The following LRRC74A variants were observed in gnomAD, a reference collection of about 807,000 sequenced individuals.
LRRC74A encodes the protein leucine-rich repeat-containing protein 74A.
LRRC74A carries 44 observed loss-of-function variants against 57.9 expected under a neutral mutation model. The observed-to-expected ratio is 0.76, with a 90% CI of 0.60 to 0.98. LRRC74A has a LOEUF of 0.98. Ranked by LOEUF, LRRC74A falls within the 50% of genes least tolerant of loss-of-function variation. The probability of loss-of-function intolerance (pLI) is 0.00; values close to 1 mark genes in which losing one functional copy is unlikely to be tolerated. For synonymous variants in LRRC74A, 211 were observed against 219.4 expected (o/e 0.96, Z 0.34); for missense variants, 572 against 574.0 (o/e 1.00, Z 0.04).
chr14:76,830,250 G>A (rs1895878087), intron 2 of LRRC74A, among the ~76,000 whole-genome samples: 1 of 152,220 alleles, frequency 6.6e-6, no homozygotes, highest in Non-Finnish European at 1.5e-5. Context: ...GGAGGGGGAG[G>A]GGGTTGGCCA....
chr14:76,867,284 G>C, intron 12 of LRRC74A, 72 bp from the exon 13 acceptor site: 1 of 456,468 alleles, frequency 2.2e-6, no homozygotes, highest in Admixed American at 2.8e-5. Context: ...GGGGTAGTGT[G>C]TTTGGGGGGG....
intron 8 of LRRC74A, 60 bp from the exon 9 acceptor site, chr14:76,853,156 T>G: frequency 6.7e-7 from 1 of 1,486,736 alleles, no homozygotes; most frequent in Non-Finnish European, 9.3e-7. Flanking sequence ...TCGGGACCCT[T>G]TTGGTTGGAT....
chr14:76,831,178 T>A, intron 2 of LRRC74A, 25 bp from the exon 3 acceptor site: 1 of 1,612,652 alleles, frequency 6.2e-7, no homozygotes, highest in Non-Finnish European at 8.5e-7. Flanking sequence ...AGAGAAATCC[T>A]ACTTCAGCCC....
At position 76,863,115 on chromosome 14, in the gene LRRC74A, A is replaced by G. The variant is rs529574000; in HGVS notation, c.1200+2276A>G. ...GAATTGAAGGGCAGATGTAAGAGCTATCATTATGGAAACATCTCTAGGACT... is the reference window on the plus strand; with the variant it reads ...GAATTGAAGGGCAGATGTAAGAGCTGTCATTATGGAAACATCTCTAGGACT... On this transcript the variant is annotated intron_variant, in intron 11 of 13. Coordinates refer to ENST00000689127, the MANE Select transcript of LRRC74A (RefSeq NM_001385106.1). 9.2e-5 allele frequency among the ~76,000 whole-genome samples: 14 copies of G among 152,220 alleles called. No individual in the cohort carries two copies. The South Asian group carries it at 1.5e-3, about 16-fold the overall frequency.
intron 9 of LRRC74A, among the ~76,000 whole-genome samples, chr14:76,854,542 G>T (rs933310243): frequency 9.2e-5 from 14 of 152,118 alleles, no homozygotes; most frequent in African/African-American, 3.4e-4. Flanking sequence ...GGAGGCGGAG[G>T]TTGCAGTGAG....
Position 76,828,807 on chromosome 14 carries a change from A to G in LRRC74A, c.166+388A>G, listed in dbSNP as rs111675196. 6.5e-3 allele frequency: 2,675 copies of G among 412,298 alleles called. 28 individuals are homozygous for G. The highest frequency in any genetic ancestry group is 9.8e-3 in the Non-Finnish European group (2,050 of 209,988). 25.5% of individuals were successfully genotyped at this position (412,298 alleles called of 1,614,324 possible). A position where few individuals can be genotyped will look rare whatever the true frequency, so the allele number is the denominator to read the frequency against. ...AGAAGAGGAACTGGGCCTTAAAGAGATTATAGGCATTGCCCAGGGACAGCG... is the reference window on the plus strand; with the variant it reads ...AGAAGAGGAACTGGGCCTTAAAGAGGTTATAGGCATTGCCCAGGGACAGCG... On this transcript the variant is annotated intron_variant, in intron 2 of 13. Transcript: ENST00000689127.
chr14:76,863,166 T>G (rs975292880), intron 11 of LRRC74A, among the ~76,000 whole-genome samples: 3 of 138,794 alleles, frequency 2.2e-5, no homozygotes, highest in Non-Finnish European at 4.7e-5. Flanking sequence ...TATGTGGGGG[T>G]GTGTATTGCA....
At chr14:76,844,283 G>A (rs1164989420) in intron 5 of LRRC74A, 140 bp from the exon 6 acceptor site, 13 of 761,236 alleles carry the variant, frequency 1.7e-5, no homozygotes, top group East Asian at 1.4e-4. Context: ...GATTACAGGC[G>A]TAAGCCAATG....
chr14:76,829,998 G>T (rs1002699760), intron 2 of LRRC74A, among the ~76,000 whole-genome samples: 1 of 152,082 alleles, frequency 6.6e-6, no homozygotes, highest in Non-Finnish European at 1.5e-5. Context: ...GGGGAGGGGG[G>T]TTGCTACTGG....
At chr14:76,850,861 A>AAAG (rs1555367247) in intron 7 of LRRC74A, among the ~76,000 whole-genome samples, 56 of 96,532 alleles carry the variant, frequency 5.8e-4, no homozygotes, top group Middle Eastern at 6.5e-3. Context: ...AAAAAAAAAA[A>AAAG]AAAGAAAGAA....
At chr14:76,867,547 C>T (rs1379594566) in intron 13 of LRRC74A, 109 bp downstream of exon 13, 2 of 628,392 alleles carry the variant, frequency 3.2e-6, no homozygotes, top group Non-Finnish European at 5.8e-6. Context: ...AGGCTTCACC[C>T]ACCTGCCTGT....
At chr14:76,840,034 A>G (rs1294189092) in intron 5 of LRRC74A, among the ~76,000 whole-genome samples, 1 of 152,174 alleles carries the variant, frequency 6.6e-6, no homozygotes, top group Non-Finnish European at 1.5e-5. Context: ...CAGCCTGTTT[A>G]TGGTACTTTC....
At chr14:76,869,829 G>C (rs1899301744) in intron 13 of LRRC74A, among the ~76,000 whole-genome samples, 1 of 151,584 alleles carries the variant, frequency 6.6e-6, no homozygotes, top group South Asian at 2.1e-4. Flanking sequence ...AAAAAATGAA[G>C]GTCCATTTTT....
chr14:76,837,326 A>G (rs1227333530), intron 4 of LRRC74A, among the ~76,000 whole-genome samples: 1 of 151,612 alleles, frequency 6.6e-6, no homozygotes, highest in East Asian at 1.9e-4. Flanking sequence ...AAGATGGTAA[A>G]TAATATGTTA....
At chr14:76,851,929 G>A (rs918022918) in intron 7 of LRRC74A, among the ~76,000 whole-genome samples, 1 of 152,142 alleles carries the variant, frequency 6.6e-6, no homozygotes, top group South Asian at 2.1e-4. Flanking sequence ...CTCCCAAAGT[G>A]CTGGGATTAC....
intron 10 of LRRC74A, 87 bp from the exon 11 acceptor site, chr14:76,860,606 C>A: frequency 1.5e-6 from 2 of 1,302,966 alleles, no homozygotes; most frequent in Non-Finnish European, 2.1e-6. Flanking sequence ...CTGACTTTGG[C>A]TTGGGTGGAA....
chr14:76,837,987 G>GGGAGGGAGAAGACACTGGGAATC lies in LRRC74A; in HGVS notation c.544+17_544+39dup. 6.7e-7 allele frequency: 1 copy of GGGAGGGAGAAGACACTGGGAATC among 1,494,106 alleles called. No homozygotes were observed. The highest frequency in any genetic ancestry group is 9.2e-7 in the Non-Finnish European group (1 of 1,091,998). 92.6% of individuals were successfully genotyped at this position (1,494,106 alleles called of 1,614,324 possible). A position where few individuals can be genotyped will look rare whatever the true frequency, so the allele number is the denominator to read the frequency against. On this transcript the variant is annotated intron_variant, in intron 5 of 13. Transcript: ENST00000689127. ...GAGCTTTCAGGTGAGCACATGGAAAGGGAGGGAGAAGACACTGGGAATCAG... is the reference window on the plus strand; with the variant it reads ...GAGCTTTCAGGTGAGCACATGGAAAGGGAGGGAGAAGACACTGGGAATCGGAGGGAGAAGACACTGGGAATCAG...
At chr14:76,867,814 G>T (rs76478042) in intron 13 of LRRC74A, among the ~76,000 whole-genome samples, 1 of 152,148 alleles carries the variant, frequency 6.6e-6, no homozygotes, top group Admixed American at 6.5e-5. Flanking sequence ...AGGAAGTGTC[G>T]CTCAGGCGGG....
chr14:76,857,248 A>C, intron 9 of LRRC74A, 132 bp from the exon 10 acceptor site: 1 of 601,236 alleles, frequency 1.7e-6, no homozygotes, highest in Non-Finnish European at 3.0e-6. Context: ...ACAGAAGGAC[A>C]AGGAGATAAT....
Sources: gnomAD v4.1 joint callset for allele counts (sites outside exome capture counted in the v4.1 genomes callset) on GRCh38, gnomAD v4.1.1 for gene constraint, MANE v1.5 for transcripts, NCBI Gene and HGNC (gene_info 2026-07-23, HGNC 2026-07-21) for gene names.